PLCE1: variants seen among roughly 807,000 people sequenced by gnomAD.
PLCE1 encodes the protein phospholipase C epsilon 1, also known as 1-phosphatidylinositol 4,5-bisphosphate phosphodiesterase epsilon-1.
PLCE1 carries 119 observed loss-of-function variants against 242.8 expected under a neutral mutation model. The ratio of observed to expected loss-of-function variants is 0.49; its 90% confidence interval spans 0.42 to 0.57. PLCE1 has a LOEUF of 0.57. PLCE1 is among the 20% of genes least tolerant of loss of function. The pLI is 0.00. For missense variants in PLCE1, 2,441 were observed against 2,788.8 expected (o/e 0.88, Z 2.81); for synonymous variants, 945 against 1,017.4 (o/e 0.93, Z 1.35).
At chr10:94,295,083 T>A (rs919083311) in intron 23 of PLCE1, among the ~76,000 whole-genome samples, 1 of 151,494 alleles carries the variant, frequency 6.6e-6, no homozygotes, top group Admixed American at 6.6e-5. Flanking sequence ...GCCCGGCTAC[T>A]TTTTTTGTAT....
In PLCE1 at chr10:94,007,575, C is replaced by CTT. The variant is rs57779697; in HGVS notation, c.-365+13337_-365+13338dup. ...TGATATACAAATACATTCTCTCTCT[C>CTT]TTTTTTTTTTTTTTTTTTTTTGCTA... On this transcript the variant is annotated intron_variant, in intron 1 of 32. Transcript: ENST00000371380. Among the ~76,000 whole-genome samples the CTT allele has an allele frequency of 5.6e-3, 604 of 107,136 alleles. 8 individuals carry two copies. Among genetic ancestry groups the CTT allele is most frequent in the African/African-American group, 0.017 (450 of 27,184 alleles). 70.3% of individuals were successfully genotyped at this position (107,136 alleles called of 152,430 possible).
At chr10:94,027,371 A>G (rs1048411208) in intron 1 of PLCE1, among the ~76,000 whole-genome samples, 2 of 152,208 alleles carry the variant, frequency 1.3e-5, no homozygotes, top group African/African-American at 4.8e-5. Context: ...GAATAAAGGA[A>G]TGGTCTGAGA....
chr10:94,310,500 T>C (rs1003342587), intron 27 of PLCE1, among the ~76,000 whole-genome samples: 3 of 152,092 alleles, frequency 2.0e-5, no homozygotes, highest in East Asian at 1.9e-4. Context: ...ATCAGGCGAT[T>C]GCACCATGTG....
intron 4 of PLCE1, among the ~76,000 whole-genome samples, chr10:94,205,626 T>C (rs2049133142): frequency 6.6e-6 from 1 of 152,230 alleles, no homozygotes; most frequent in South Asian, 2.1e-4. Context: ...AAATGGACTG[T>C]GCCTTCTTTA....
chr10:94,011,331 A>G (rs951231178), intron 1 of PLCE1, among the ~76,000 whole-genome samples: 2 of 152,142 alleles, frequency 1.3e-5, no homozygotes, highest in Admixed American at 6.5e-5. Flanking sequence ...CACCATCACT[A>G]AGGGGATGGC....
chr10:94,232,254 T>TTA (rs1440992341), intron 5 of PLCE1, among the ~76,000 whole-genome samples: 1 of 152,212 alleles, frequency 6.6e-6, no homozygotes. Flanking sequence ...TTTGGATGTC[T>TTA]TATATATTAC....
chr10:94,040,875 T>A (rs918242705), intron 2 of PLCE1, among the ~76,000 whole-genome samples: 13 of 152,192 alleles, frequency 8.5e-5, no homozygotes, highest in African/African-American at 2.9e-4. Context: ...TTATATAGAA[T>A]TGAAATTGTA....
chr10:94,180,925 T>A (rs2048291233), intron 4 of PLCE1, among the ~76,000 whole-genome samples: 1 of 152,196 alleles, frequency 6.6e-6, no homozygotes, highest in Non-Finnish European at 1.5e-5. Context: ...TATGAGAAAA[T>A]AAATTTCCAC....
intron 1 of PLCE1, among the ~76,000 whole-genome samples, chr10:94,025,800 AG>A (rs1334639340): frequency 5.3e-5 from 8 of 152,210 alleles, no homozygotes. Flanking sequence ...AAATAAATAA[AG>A]ATGGCTATCA....
intron 1 of PLCE1, among the ~76,000 whole-genome samples, chr10:94,013,867 G>A (rs1278648230): frequency 6.6e-6 from 1 of 151,946 alleles, no homozygotes; most frequent in Non-Finnish European, 1.5e-5. Flanking sequence ...GATGATCCCT[G>A]GGGGGGCTAA....
At chr10:94,025,195 T>G (rs2061436265) in intron 1 of PLCE1, among the ~76,000 whole-genome samples, 2 of 152,140 alleles carry the variant, frequency 1.3e-5, no homozygotes, top group Non-Finnish European at 2.9e-5. Context: ...GCAGACTCTA[T>G]TCCTTCAAGC....
intron 2 of PLCE1, among the ~76,000 whole-genome samples, chr10:94,100,987 C>T (rs1226447533): frequency 6.6e-6 from 1 of 152,128 alleles, no homozygotes; most frequent in African/African-American, 2.4e-5. Flanking sequence ...TTTACAGAAG[C>T]CTAGAAGTGA....
chr10:94,192,415 C>T (rs1443809532), intron 4 of PLCE1, among the ~76,000 whole-genome samples: 1 of 152,184 alleles, frequency 6.6e-6, no homozygotes, highest in Non-Finnish European at 1.5e-5. Flanking sequence ...CAGTGTTTAG[C>T]TCCCACTTTT....
At chr10:94,161,704 T>C (rs1395708411) in intron 3 of PLCE1, among the ~76,000 whole-genome samples, 1 of 151,998 alleles carries the variant, frequency 6.6e-6, no homozygotes, top group East Asian at 1.9e-4. Context: ...TGAATATGAG[T>C]GGTGAGAGAG....
intron 16 of PLCE1, among the ~76,000 whole-genome samples, chr10:94,266,576 G>A (rs79579102): frequency 0.024 from 3,597 of 152,254 alleles, 86 homozygotes; most frequent in African/African-American, 0.066. Flanking sequence ...AATGATCTGC[G>A]TGTCCATTGC....
intron 3 of PLCE1, among the ~76,000 whole-genome samples, chr10:94,152,811 C>G (rs2047315381): frequency 6.6e-6 from 1 of 152,096 alleles, no homozygotes; most frequent in Admixed American, 6.6e-5. Context: ...AATTCCAAGT[C>G]CATATGTGTT....
At chr10:94,178,281 T>C (rs182590998) in intron 4 of PLCE1, among the ~76,000 whole-genome samples, 29 of 152,280 alleles carry the variant, frequency 1.9e-4, no homozygotes, top group African/African-American at 6.7e-4. Flanking sequence ...GGCAACACCA[T>C]TCAGCAGGGC....
At chr10:94,088,556 T>C (rs761179423) in intron 2 of PLCE1, among the ~76,000 whole-genome samples, 1 of 152,218 alleles carries the variant, frequency 6.6e-6, no homozygotes, top group African/African-American at 2.4e-5. Flanking sequence ...TTGTTCATCA[T>C]CAGTTATAGG....
intron 2 of PLCE1, among the ~76,000 whole-genome samples, chr10:94,090,101 G>C (rs1221760261): frequency 6.6e-6 from 1 of 151,882 alleles, no homozygotes; most frequent in South Asian, 2.1e-4. Flanking sequence ...AAGATTAGCT[G>C]AAGAAGAGGT....
Sources: allele counts gnomAD v4.1 joint callset (sites outside exome capture counted in the v4.1 genomes callset), GRCh38; gene constraint gnomAD v4.1.1; transcripts MANE v1.5; gene names NCBI Gene and HGNC (gene_info 2026-07-23, HGNC 2026-07-21).